SPATA16: variants seen among roughly 807,000 people sequenced by gnomAD.
SPATA16 encodes spermatogenesis associated 16.
In SPATA16, 36 loss-of-function variants were observed where a neutral mutation model predicts 63.3. That is an observed-to-expected ratio of 0.57 (90% confidence interval 0.44 to 0.75). SPATA16 has a LOEUF of 0.75. Ranked by LOEUF, SPATA16 falls within the 30% of genes least tolerant of loss-of-function variation. The pLI, the probability that SPATA16 is intolerant of heterozygous loss-of-function variation, is 0.00. For synonymous variants in SPATA16, 203 were observed against 216.7 expected (o/e 0.94, Z 0.56); for missense variants, 646 against 679.3 (o/e 0.95, Z 0.54).
intron 3 of SPATA16, among the ~76,000 whole-genome samples, chr3:173,040,293 TC>T (rs751397102): frequency 8.5e-5 from 13 of 152,160 alleles, no homozygotes; most frequent in Non-Finnish European, 1.5e-4. Flanking sequence ...TTTGCTTTAA[TC>T]TTCATTATCA....
In SPATA16 at chr3:172,977,038, G is replaced by A. The variant is rs774133042; in HGVS notation, c.863C>T (p.Ala288Val). The A allele has an allele frequency of 7.5e-6, 12 of 1,609,458 alleles. 1 individual carries two copies. In the South Asian group the frequency reaches 1.3e-4, roughly 18 times the overall value. The change falls in exon 5 of 11, where the codon GCT becomes GTT. Residue 288 changes from alanine (A) to valine (V), a missense_variant. By Grantham distance (64) the Ala-to-Val change is moderately conservative. Coordinates refer to ENST00000351008, the MANE Select transcript of SPATA16 (RefSeq NM_031955.6). ...TCCACCAAGCCAGAACATGTAGTCA[G>A]CAATCATGGCACTCCTAAGAACAAG... is the stretch of plus-strand genomic sequence containing the variant. ...YSEAARSAMI[A>V]DYMFWLGGGR...
At chr3:173,000,358 T>A (rs1325543299) in intron 4 of SPATA16, among the ~76,000 whole-genome samples, 1 of 152,220 alleles carries the variant, frequency 6.6e-6, no homozygotes, top group Non-Finnish European at 1.5e-5. Context: ...ACTGAGATAG[T>A]GATTTTTTTT....
At chr3:173,038,226 C>T (rs1286387061) in intron 3 of SPATA16, among the ~76,000 whole-genome samples, 1 of 152,000 alleles carries the variant, frequency 6.6e-6, no homozygotes, top group East Asian at 1.9e-4. Context: ...TGGTTTGTCT[C>T]TTGCTACTTG....
chr3:173,084,875 A>G (rs1032725735), intron 2 of SPATA16, among the ~76,000 whole-genome samples: 1 of 152,066 alleles, frequency 6.6e-6, no homozygotes, highest in African/African-American at 2.4e-5. Flanking sequence ...CCATTGGTCT[A>G]TATGTCTGTT....
intron 2 of SPATA16, among the ~76,000 whole-genome samples, chr3:173,113,407 G>A (rs1231078541): frequency 6.6e-6 from 1 of 152,106 alleles, no homozygotes; most frequent in Non-Finnish European, 1.5e-5. Context: ...TAGAGCTAAG[G>A]ACCAATTTTA....
chr3:173,064,169 A>G (rs1267743422), intron 2 of SPATA16, among the ~76,000 whole-genome samples: 1 of 151,866 alleles, frequency 6.6e-6, no homozygotes, highest in Non-Finnish European at 1.5e-5. Context: ...TTAGCTGGGC[A>G]TGGTGGCACG....
intron 5 of SPATA16, among the ~76,000 whole-genome samples, 158 bp from the exon 6 acceptor site, chr3:172,956,982 T>C (rs1178293511): frequency 6.6e-6 from 1 of 152,182 alleles, no homozygotes; most frequent in Non-Finnish European, 1.5e-5. Context: ...AACAAAATTT[T>C]AATTAGTTCT....
chr3:173,066,244 G>T (rs886360627), intron 2 of SPATA16, among the ~76,000 whole-genome samples: 1 of 152,200 alleles, frequency 6.6e-6, no homozygotes, highest in African/African-American at 2.4e-5. Context: ...TTCCTGGCAC[G>T]GATCCATCCT....
In SPATA16 at chr3:172,901,547, CATTG is replaced by C. The variant is rs567341886; in HGVS notation, c.1588-11859_1588-11856del. Among the ~76,000 whole-genome samples the C allele has an allele frequency of 1.2e-3, 186 of 152,286 alleles. 1 individual carries two copies. Among genetic ancestry groups the C allele is most frequent in the Middle Eastern group, 6.8e-3 (2 of 294 alleles). Reference sequence around the variant, plus strand: ...TATCTGACATCTCTGTTTTGGCAGTCATTGATTGTCTTTCTTCATTCAGTTTGAG... The same window carrying C: ...TATCTGACATCTCTGTTTTGGCAGTCATTGTCTTTCTTCATTCAGTTTGAG... On this transcript the variant is annotated intron_variant, in intron 10 of 10. Transcript: ENST00000351008.
At chr3:172,941,158 A>G (rs2109602130) in intron 6 of SPATA16, among the ~76,000 whole-genome samples, 1 of 152,330 alleles carries the variant, frequency 6.6e-6, no homozygotes. Context: ...AAAATGAAGC[A>G]GACAAAGACA....
Position 172,973,806 on chromosome 3 carries a change from T to C in SPATA16, c.933+3162A>G, listed in dbSNP as rs538130284. Among the ~76,000 whole-genome samples, 4 of 152,318 alleles carry C rather than the reference T, an allele frequency of 2.6e-5. No individual in the cohort carries two copies. The South Asian group carries it at 6.2e-4, about 24-fold the overall frequency. Reference sequence around the variant, plus strand: ...AGTCTAAGCCTGACTTGGTACTTTCTATTTTGCTAATTACTTCAGGATTGT... The same window carrying C: ...AGTCTAAGCCTGACTTGGTACTTTCCATTTTGCTAATTACTTCAGGATTGT... On this transcript the variant is annotated intron_variant, in intron 5 of 10. Transcript: ENST00000351008.
At chr3:172,921,059 CT>C (rs1207872341) in intron 8 of SPATA16, among the ~76,000 whole-genome samples, 4,533 of 137,118 alleles carry the variant, frequency 0.033, 184 homozygotes, top group African/African-American at 0.1. Flanking sequence ...TTGTTTTTGT[CT>C]TTTTTTTTTT....
At chr3:173,075,749 A>G (rs540892753) in intron 2 of SPATA16, among the ~76,000 whole-genome samples, 7 of 152,280 alleles carry the variant, frequency 4.6e-5, no homozygotes, top group Admixed American at 2.0e-4. Context: ...ATACAGTAGA[A>G]TGATGGTTAC....
At chr3:173,108,066 C>G (rs953625004) in intron 2 of SPATA16, among the ~76,000 whole-genome samples, 1 of 152,110 alleles carries the variant, frequency 6.6e-6, no homozygotes, top group South Asian at 2.1e-4. Flanking sequence ...GAATCAAACA[C>G]ATAATGACCA....
intron 4 of SPATA16, among the ~76,000 whole-genome samples, chr3:172,997,021 A>G (rs1201161823): frequency 6.6e-6 from 1 of 152,138 alleles, no homozygotes; most frequent in Non-Finnish European, 1.5e-5. Context: ...CAAGAAGTTC[A>G]TCTATTCACC....
intron 2 of SPATA16, among the ~76,000 whole-genome samples, chr3:173,099,238 C>A (rs553356819): frequency 8.5e-4 from 128 of 151,210 alleles, no homozygotes; most frequent in African/African-American, 3.1e-3. Context: ...GAGAAAGAGA[C>A]AGAAAGAGAG....
At position 172,904,835 on chromosome 3, in the gene SPATA16, G is replaced by A. The variant is rs183187858; in HGVS notation, c.1587+8826C>T. ...TGGGCTTTGCTCTGTAAACCATCTG[G>A]AAATGAGGTCCTCCCTTCCCGGGTC... On this transcript the variant is annotated intron_variant, in intron 10 of 10. Transcript: ENST00000351008. Among the ~76,000 whole-genome samples the A allele has an allele frequency of 3.2e-3, 490 of 152,260 alleles. 3 individuals carry two copies. The highest frequency in any genetic ancestry group is 0.011 in the African/African-American group (464 of 41,556).
intron 4 of SPATA16, among the ~76,000 whole-genome samples, chr3:172,992,772 C>T (rs2108261702): frequency 6.6e-6 from 1 of 152,210 alleles, no homozygotes; most frequent in Middle Eastern, 3.4e-3. Context: ...CATTTTCGCT[C>T]TTCCTGATTT....
At chr3:172,991,940 T>C (rs1208018674) in intron 4 of SPATA16, among the ~76,000 whole-genome samples, 3 of 152,206 alleles carry the variant, frequency 2.0e-5, no homozygotes, top group Non-Finnish European at 4.4e-5. Context: ...TTATATTACT[T>C]GGGCTTCAGA....
Sources: allele counts gnomAD v4.1 joint callset (sites outside exome capture counted in the v4.1 genomes callset), GRCh38; gene constraint gnomAD v4.1.1; transcripts MANE v1.5; gene names NCBI Gene and HGNC (gene_info 2026-07-23, HGNC 2026-07-21).